Variants in ARHGAP42 observed in about 807,000 individuals in gnomAD.
ARHGAP42 encodes the protein Rho GTPase activating protein 42.
A neutral mutation model predicts 125.0 loss-of-function variants in ARHGAP42; 63 were observed. The observed-to-expected ratio is 0.50, with a 90% CI of 0.41 to 0.62. The LOEUF (loss-of-function observed/expected upper bound fraction) is 0.62. Ranked by LOEUF, ARHGAP42 falls within the 20% of genes least tolerant of loss-of-function variation. ARHGAP42 has a pLI of 0.00. For synonymous variants in ARHGAP42, 339 were observed against 351.0 expected (o/e 0.97, Z 0.38); for missense variants, 766 against 1,024.2 (o/e 0.75, Z 3.44).
At chr11:100,799,142 T>C (rs2135039506) in intron 3 of ARHGAP42, among the ~76,000 whole-genome samples, 1 of 152,344 alleles carries the variant, frequency 6.6e-6, no homozygotes, top group African/African-American at 2.4e-5. Context: ...CCAGAAGTTT[T>C]TGGAGAGAAG....
rs1026340381 is a variant in ARHGAP42, at chr11:100,965,674, C to G, written c.1448C>G (p.Ser483Cys). The change falls in exon 17 of 24, where the codon TCT becomes TGT. Residue 483 changes from serine to cysteine, a missense_variant. By Grantham distance (112) the Ser-to-Cys change is moderately radical (BLOSUM62 -1). This residue lies in a region of ARHGAP42 where 455 missense variants were observed against 636.5 expected (regional missense o/e 0.71). Transcript: ENST00000298815. Reference sequence around the variant, plus strand: ...TGCAATCTTTTTTATGTAACAGAATCTGATGATCAAAACTACAGGGTGGAG... The same window carrying G: ...TGCAATCTTTTTTATGTAACAGAATGTGATGATCAAAACTACAGGGTGGAG... ...LHKDFIIAVK[S>C]DDQNYRVEAV... 6.5e-7 allele frequency: 1 copy of G among 1,549,934 alleles called. No homozygotes were observed. Among genetic ancestry groups the G allele is most frequent in the Non-Finnish European group, 8.7e-7 (1 of 1,146,730 alleles).
At chr11:100,908,276 A>T (rs927778123) in intron 4 of ARHGAP42, among the ~76,000 whole-genome samples, 1 of 152,208 alleles carries the variant, frequency 6.6e-6, no homozygotes, top group African/African-American at 2.4e-5. Flanking sequence ...CTTGCTTGTC[A>T]TCAGTGGAAG....
intron 3 of ARHGAP42, among the ~76,000 whole-genome samples, chr11:100,854,326 A>T (rs998294280): frequency 3.3e-5 from 5 of 152,182 alleles, no homozygotes; most frequent in Non-Finnish European, 5.9e-5. Flanking sequence ...TATTAAATTC[A>T]AGTAAGAGTT....
chr11:100,747,370 A>G (rs1862328418), intron 1 of ARHGAP42, among the ~76,000 whole-genome samples: 2 of 152,166 alleles, frequency 1.3e-5, no homozygotes, highest in Admixed American at 1.3e-4. Context: ...CCTTTATATT[A>G]GTGTGTTAAT....
At chr11:100,727,684 T>A (rs1861885330) in intron 1 of ARHGAP42, among the ~76,000 whole-genome samples, 1 of 152,142 alleles carries the variant, frequency 6.6e-6, no homozygotes, top group South Asian at 2.1e-4. Context: ...GCCCTGTAAC[T>A]CCACAGGGAC....
At chr11:100,733,934 T>G (rs1862008677) in intron 1 of ARHGAP42, among the ~76,000 whole-genome samples, 1 of 148,530 alleles carries the variant, frequency 6.7e-6, no homozygotes, top group Non-Finnish European at 1.5e-5. Context: ...AAAGTTGTTT[T>G]TTTTTTTTTT....
intron 4 of ARHGAP42, among the ~76,000 whole-genome samples, chr11:100,876,937 G>A (rs537382885): frequency 4.1e-4 from 63 of 152,312 alleles, no homozygotes; most frequent in African/African-American, 1.4e-3. Flanking sequence ...AGAGCCTGGT[G>A]ATTTACAGAC....
chr11:100,828,438 C>T (rs1049224583), intron 3 of ARHGAP42, among the ~76,000 whole-genome samples: 9 of 152,272 alleles, frequency 5.9e-5, no homozygotes, highest in Non-Finnish European at 8.8e-5. Context: ...TTCAAGGAAA[C>T]TACCTCATTG....
chr11:100,852,983 G>C (rs1267623478), intron 3 of ARHGAP42, among the ~76,000 whole-genome samples: 3 of 152,102 alleles, frequency 2.0e-5, no homozygotes, highest in African/African-American at 7.2e-5. Context: ...AACAACTTCA[G>C]GGTGCAACAT....
chr11:100,880,945 T>G (rs917680047), intron 4 of ARHGAP42, among the ~76,000 whole-genome samples: 2 of 152,286 alleles, frequency 1.3e-5, no homozygotes, highest in Non-Finnish European at 2.9e-5. Context: ...GATAGGATTT[T>G]TTTTTTCTTG....
chr11:100,736,189 G>T (rs1244535739), intron 1 of ARHGAP42, among the ~76,000 whole-genome samples: 2 of 152,196 alleles, frequency 1.3e-5, no homozygotes, highest in African/African-American at 4.8e-5. Context: ...GAAACCTGAA[G>T]CCTCAGTGGG....
intron 3 of ARHGAP42, among the ~76,000 whole-genome samples, chr11:100,853,503 A>G (rs1258754159): frequency 6.6e-6 from 1 of 152,210 alleles, no homozygotes; most frequent in Non-Finnish European, 1.5e-5. Context: ...AGAAGGATAC[A>G]ATAAATAACC....
intron 4 of ARHGAP42, among the ~76,000 whole-genome samples, chr11:100,891,651 C>T (rs1337527422): frequency 2.0e-5 from 3 of 152,066 alleles, no homozygotes; most frequent in Non-Finnish European, 4.4e-5. Flanking sequence ...CCATGTTAGC[C>T]AAACTGGCCT....
chr11:100,691,381 TTG>T (rs1306591091), intron 1 of ARHGAP42, among the ~76,000 whole-genome samples: 2 of 152,228 alleles, frequency 1.3e-5, no homozygotes, highest in African/African-American at 4.8e-5. Context: ...TTACTTTTTC[TTG>T]TCTTTATACT....
At chr11:100,818,531 G>A (rs1277052671) in intron 3 of ARHGAP42, among the ~76,000 whole-genome samples, 1 of 151,836 alleles carries the variant, frequency 6.6e-6, no homozygotes, top group Non-Finnish European at 1.5e-5. Context: ...ATATGCCAAT[G>A]ACAGCAGATA....
intron 3 of ARHGAP42, among the ~76,000 whole-genome samples, chr11:100,833,924 T>A (rs61890797): frequency 6.6e-6 from 1 of 152,292 alleles, no homozygotes; most frequent in Middle Eastern, 3.4e-3. Context: ...TAAAAATTTT[T>A]AAATATCATT....
At chr11:100,767,600 C>T (rs949339798) in intron 1 of ARHGAP42, among the ~76,000 whole-genome samples, 1 of 152,124 alleles carries the variant, frequency 6.6e-6, no homozygotes, top group Non-Finnish European at 1.5e-5. Flanking sequence ...TAGGACAGAG[C>T]TTCCAAATAG....
chr11:100,775,037 C>A (rs565354803), intron 2 of ARHGAP42, among the ~76,000 whole-genome samples: 1 of 151,834 alleles, frequency 6.6e-6, no homozygotes, highest in Admixed American at 6.6e-5. Context: ...TTTTTAGCAC[C>A]TCCCTTTTCA....
At chr11:100,937,778 G>C (rs1867773034) in intron 8 of ARHGAP42, among the ~76,000 whole-genome samples, 1 of 152,124 alleles carries the variant, frequency 6.6e-6, no homozygotes, top group South Asian at 2.1e-4. Flanking sequence ...ATATTATTTT[G>C]TACATAATCT....
Sources: allele counts gnomAD v4.1 joint callset (sites outside exome capture counted in the v4.1 genomes callset), GRCh38; gene constraint gnomAD v4.1.1; regional missense constraint gnomAD v4.1.1; transcripts MANE v1.5; gene names NCBI Gene and HGNC (gene_info 2026-07-23, HGNC 2026-07-21).